DGKB: variants seen among roughly 807,000 people sequenced by gnomAD.
DGKB encodes the protein 90 kDa diacylglycerol kinase.
In DGKB, 67 loss-of-function variants were observed where a neutral mutation model predicts 114.3. The ratio of observed to expected loss-of-function variants is 0.59; its 90% CI spans 0.48 to 0.72. The LOEUF (loss-of-function observed/expected upper bound fraction) is 0.72, where lower values mean the gene tolerates loss of function less well. DGKB is among the 30% of genes least tolerant of loss of function. The pLI, the probability that DGKB is intolerant of heterozygous loss-of-function variation, is 0.00. For synonymous variants in DGKB, 398 were observed against 323.1 expected, an observed-to-expected ratio of 1.23 and a Z score of -2.49; for missense variants, 907 against 975.2, an observed-to-expected ratio of 0.93 and a Z score of 0.93.
rs1781584779 is a variant in DGKB, at chr7:14,147,355, TA to T, written c.*1775del. 6.6e-6 allele frequency: 1 copy of T among 152,178 alleles called. No individual in the cohort carries two copies. Among genetic ancestry groups the T allele is most frequent in the South Asian group, 2.1e-4 (1 of 4,836 alleles). 9.4% of individuals were successfully genotyped at this position (152,178 alleles called of 1,614,324 possible). On this transcript the variant is annotated 3_prime_UTR_variant, in exon 26 of 26. Coordinates refer to ENST00000402815, the MANE Select transcript of DGKB (RefSeq NM_001350709.2). ...CTTTTATTTTTAAAGTAATTAAGCT[TA>T]TTGTTGATTGATATTTACCGTCCAA...
chr7:14,351,733 G>T (rs571823966), intron 21 of DGKB, among the ~76,000 whole-genome samples: 1 of 152,130 alleles, frequency 6.6e-6, no homozygotes, highest in Non-Finnish European at 1.5e-5. Flanking sequence ...TGTATAAAAA[G>T]TTAGGTATTT....
At chr7:14,743,820 A>G (rs1164532218) in intron 4 of DGKB, among the ~76,000 whole-genome samples, 6 of 152,168 alleles carry the variant, frequency 3.9e-5, no homozygotes. Context: ...TTTGTTATTC[A>G]TAAACAATTG....
chr7:14,199,142 C>T (rs900841228), intron 23 of DGKB, among the ~76,000 whole-genome samples: 1 of 151,882 alleles, frequency 6.6e-6, no homozygotes, highest in Non-Finnish European at 1.5e-5. Context: ...TCTCTTTCTC[C>T]CCTACACTAA....
intron 21 of DGKB, among the ~76,000 whole-genome samples, chr7:14,412,799 C>T (rs1825105653): frequency 6.6e-6 from 1 of 151,896 alleles, no homozygotes; most frequent in African/African-American, 2.4e-5. Flanking sequence ...CTGGCCAACA[C>T]AGCAAAACCC....
chr7:14,614,607 T>C (rs774687601), intron 15 of DGKB, among the ~76,000 whole-genome samples: 12 of 152,078 alleles, frequency 7.9e-5, no homozygotes, highest in Admixed American at 3.3e-4. Flanking sequence ...ACAATATAAG[T>C]TAAAATATTC....
At chr7:14,644,289 C>A (rs1402401623) in intron 13 of DGKB, among the ~76,000 whole-genome samples, 3 of 152,150 alleles carry the variant, frequency 2.0e-5, no homozygotes, top group Non-Finnish European at 2.9e-5. Flanking sequence ...ATGTAGATAT[C>A]AGTGTAGGGA....
At chr7:14,209,646 A>G (rs1787432359) in intron 23 of DGKB, 1 of 382,140 alleles carries the variant, frequency 2.6e-6, no homozygotes, top group Non-Finnish European at 5.2e-6. Flanking sequence ...AGAAAAAAAG[A>G]AGCGTTTATC....
At chr7:14,451,545 G>GTC (rs34641587) in intron 21 of DGKB, among the ~76,000 whole-genome samples, 46,913 of 140,892 alleles carry the variant, frequency 0.33, 7,902 homozygotes, top group South Asian at 0.44. Context: ...CTCTCTATCT[G>GTC]TCTCTCTCTC....
chr7:14,657,574 T>C (rs1816114176), intron 13 of DGKB, among the ~76,000 whole-genome samples: 3 of 151,850 alleles, frequency 2.0e-5, no homozygotes, highest in Non-Finnish European at 4.4e-5. Flanking sequence ...AATAGATGAC[T>C]TCAGTAACTT....
intron 23 of DGKB, among the ~76,000 whole-genome samples, chr7:14,311,829 A>T (rs1805436422): frequency 6.6e-6 from 1 of 152,110 alleles, no homozygotes; most frequent in African/African-American, 2.4e-5. Context: ...TTCTATAGTA[A>T]ATCATTTGGG....
chr7:14,859,801 G>A (rs1850710753), intron 1 of DGKB, among the ~76,000 whole-genome samples: 1 of 151,976 alleles, frequency 6.6e-6, no homozygotes, highest in Admixed American at 6.6e-5. Context: ...TATCTGAAAT[G>A]CATAACTCTG....
intron 21 of DGKB, among the ~76,000 whole-genome samples, chr7:14,347,882 T>C (rs1195519196): frequency 6.6e-6 from 1 of 152,088 alleles, no homozygotes; most frequent in African/African-American, 2.4e-5. Flanking sequence ...CTTGAATATA[T>C]GTATAATTTT....
intron 1 of DGKB, among the ~76,000 whole-genome samples, chr7:14,894,601 ATTGTT>A (rs1257969636): frequency 4.6e-5 from 7 of 151,550 alleles, no homozygotes; most frequent in South Asian, 2.1e-4. Context: ...CATTCAAGCC[ATTGTT>A]TTGTTTTGTT....
intron 2 of DGKB, among the ~76,000 whole-genome samples, chr7:14,781,629 C>T (rs1272697200): frequency 1.3e-5 from 2 of 152,130 alleles, no homozygotes; most frequent in Non-Finnish European, 2.9e-5. Flanking sequence ...ATAGAAATTA[C>T]TCAGAGACTT....
chr7:14,227,644 T>C (rs1791025634), intron 23 of DGKB, among the ~76,000 whole-genome samples: 1 of 151,988 alleles, frequency 6.6e-6, no homozygotes, highest in African/African-American at 2.4e-5. Flanking sequence ...ATCTTGTTTA[T>C]TGGCCTAGTC....
chr7:14,726,519 T>C (rs941335070), intron 5 of DGKB, among the ~76,000 whole-genome samples: 10 of 152,132 alleles, frequency 6.6e-5, no homozygotes, highest in Non-Finnish European at 1.2e-4. Flanking sequence ...TGCCTCTCAA[T>C]AAAAGACCTT....
chr7:14,899,971 CCT>C (rs1229208817), intron 1 of DGKB, among the ~76,000 whole-genome samples: 3 of 152,050 alleles, frequency 2.0e-5, no homozygotes, highest in Non-Finnish European at 4.4e-5. Context: ...GTTTATTCCC[CCT>C]GAGTTTGAGT....
intron 20 of DGKB, among the ~76,000 whole-genome samples, chr7:14,496,463 T>A (rs1785321754): frequency 6.6e-6 from 1 of 151,870 alleles, no homozygotes; most frequent in East Asian, 1.9e-4. Flanking sequence ...ATGAGTGGTA[T>A]AAGGGTACAA....
intron 1 of DGKB, among the ~76,000 whole-genome samples, chr7:14,880,630 T>C (rs1232768691): frequency 6.6e-6 from 1 of 152,170 alleles, no homozygotes; most frequent in Non-Finnish European, 1.5e-5. Context: ...CTCAAGACTT[T>C]GAGCAGGGAA....
Sources: gnomAD v4.1 joint callset for allele counts (sites outside exome capture counted in the v4.1 genomes callset) on GRCh38, gnomAD v4.1.1 for gene constraint, MANE v1.5 for transcripts, NCBI Gene and HGNC (gene_info 2026-07-23, HGNC 2026-07-21) for gene names.